The following NIBAN2 variants were observed in gnomAD, a reference collection of about 807,000 sequenced individuals.
The protein encoded by NIBAN2 is niban apoptosis regulator 2.
NIBAN2 carries 36 observed loss-of-function variants against 81.8 expected under a neutral mutation model. That is an observed-to-expected ratio of 0.44 (90% CI 0.34 to 0.58). The LOEUF is 0.58. Ranked by LOEUF, NIBAN2 falls within the 20% of genes least tolerant of loss-of-function variation. The pLI is 0.02. For synonymous variants in NIBAN2, 445 were observed against 441.6 expected (o/e 1.01, Z -0.10); for missense variants, 897 against 1,014.1 (o/e 0.88, Z 1.57).
chr9:127,515,118 C>A (rs931232133), intron 8 of NIBAN2, among the ~76,000 whole-genome samples: 30 of 152,070 alleles, frequency 2.0e-4, no homozygotes, highest in African/African-American at 7.0e-4. Flanking sequence ...CCCAGTTACG[C>A]AGGAGGCTGA....
At chr9:127,524,925 A>C (rs1341031763) in intron 4 of NIBAN2, 133 bp downstream of exon 4, 2 of 650,208 alleles carry the variant, frequency 3.1e-6, no homozygotes, top group Non-Finnish European at 5.4e-6. Flanking sequence ...TGAGGTCTCC[A>C]TCCACAGCTC....
chr9:127,539,832 A>T (rs1837345243), intron 1 of NIBAN2, among the ~76,000 whole-genome samples: 1 of 152,160 alleles, frequency 6.6e-6, no homozygotes, highest in South Asian at 2.1e-4. Flanking sequence ...CCATTTCTAC[A>T]TGGACACACA....
intron 1 of NIBAN2, among the ~76,000 whole-genome samples, chr9:127,566,263 C>T (rs548330653): frequency 1.3e-5 from 2 of 152,158 alleles, no homozygotes; most frequent in Admixed American, 6.5e-5. Context: ...CTTCAGCCAT[C>T]GAGTGGCCCA....
intron 1 of NIBAN2, among the ~76,000 whole-genome samples, chr9:127,553,429 T>G (rs1230086516): frequency 6.6e-6 from 1 of 152,218 alleles, no homozygotes; most frequent in Non-Finnish European, 1.5e-5. Context: ...GGCTGGGGAC[T>G]GAACCCCGAG....
intron 5 of NIBAN2, among the ~76,000 whole-genome samples, chr9:127,523,168 TTA>T (rs1491526742): frequency 0.01 from 194 of 18,992 alleles, 11 homozygotes; most frequent in Non-Finnish European, 0.014. Flanking sequence ...GTTGGTGGTT[TTA>T]AAAAAAAAAA....
rs1339329688 is a variant in NIBAN2, at chr9:127,558,083, A to C, written c.55+10737T>G. Among the ~76,000 whole-genome samples the C allele has an allele frequency of 3.3e-5, 5 of 152,182 alleles. No homozygotes were observed. The East Asian group carries it at 9.7e-4, about 30-fold the overall frequency. On this transcript the variant is annotated intron_variant, in intron 1 of 13. Coordinates refer to ENST00000373312, the MANE Select transcript of NIBAN2 (RefSeq NM_022833.4). ...CTCTTTTCCTGGCAGCCTGAAATAT[A>C]GGAGTGGGGGTGGGAGGGGAGTGTG...
chr9:127,525,191 G>A, intron 3 of NIBAN2, 28 bp from the exon 4 acceptor site: 5 of 1,580,172 alleles, frequency 3.2e-6, no homozygotes, highest in Non-Finnish European at 4.3e-6. Flanking sequence ...GAGGGTCCCT[G>A]AGGGTTAAGG....
Position 127,516,998 on chromosome 9 carries a change from T to C in NIBAN2, c.832A>G (p.Met278Val). The C allele has an allele frequency of 1.9e-6, 3 of 1,613,832 alleles. No homozygotes were observed. The highest frequency in any genetic ancestry group is 2.5e-6 in the Non-Finnish European group (3 of 1,179,900). ...WIQISDAVYHMVYEQAKARFE... is the reference protein window; with the variant it reads ...WIQISDAVYHVVYEQAKARFE... ...CGCGCCTTGGCCTGCTCGTACACCA[T>C]GTGGTACACGGCGTCCGAGATCTGT... The change falls in exon 8 of 14, where the codon ATG (methionine) becomes GTG (valine). Residue 278 changes from methionine (M) to valine (V), a missense_variant. By Grantham distance (21) the Met-to-Val change is conservative. Around this residue, in one of 3 missense-constraint regions of NIBAN2, gnomAD observed 619 missense variants for 691.0 expected, o/e 0.90. Transcript: ENST00000373312.
intron 1 of NIBAN2, among the ~76,000 whole-genome samples, chr9:127,577,827 C>T (rs948592402): frequency 2.0e-5 from 3 of 152,072 alleles, no homozygotes; most frequent in South Asian, 2.1e-4. Context: ...ACAATCCTCC[C>T]GACCCAGCCT....
At chr9:127,521,354 C>T (rs191459640) in intron 5 of NIBAN2, among the ~76,000 whole-genome samples, 3 of 152,278 alleles carry the variant, frequency 2.0e-5, no homozygotes, top group Admixed American at 1.3e-4. Context: ...CTGCATTCCT[C>T]ACTCCCAGGC....
At position 127,507,262 on chromosome 9, in the gene NIBAN2, C is replaced by A. The variant is rs369677680; in HGVS notation, c.1824G>T (p.Glu608Asp). The A allele has an allele frequency of 1.2e-6, 2 of 1,605,814 alleles. No homozygotes were observed. The highest frequency in any genetic ancestry group is 8.5e-7 in the Non-Finnish European group (1 of 1,174,644). Residue 608 changes from glutamate to aspartate, a missense_variant, in exon 14 of 14, where the codon GAG becomes GAT. Physicochemically the swap from Glu to Asp is conservative, Grantham distance 45. Around this residue, in one of 3 missense-constraint regions of NIBAN2, gnomAD observed 619 missense variants for 691.0 expected, o/e 0.90. Coordinates refer to ENST00000373312, the MANE Select transcript of NIBAN2 (RefSeq NM_022833.4). This position sits in a 1 kb window ranked among gnomAD's most constrained non-coding sequence, Gnocchi z 6.8. ...GTCGCTTTTCCGAGAGGGTGGCTGA[C>A]TCCGGGGTGCTGGGGCTGGGGCTGC... is the stretch of plus-strand genomic sequence containing the variant. Reference protein sequence around the residue: ...GGGSPSPSTPESATLSEKRRR... With the variant: ...GGGSPSPSTPDSATLSEKRRR...
chr9:127,562,932 G>A (rs1299389225), intron 1 of NIBAN2, among the ~76,000 whole-genome samples: 1 of 152,188 alleles, frequency 6.6e-6, no homozygotes, highest in Non-Finnish European at 1.5e-5. Flanking sequence ...AGTGAAAGAA[G>A]CAAGACACAA....
At position 127,508,665 on chromosome 9, in the gene NIBAN2, G is replaced by T; in HGVS notation, c.1318-127C>A. On this transcript the variant is annotated intron_variant, in intron 10 of 13. Transcript: ENST00000373312. This position sits in a 1 kb window ranked among gnomAD's most constrained non-coding sequence, Gnocchi z 6.4. Reference sequence around the variant, plus strand: ...GGCCTGCCAGGGAGGAATGGCAAGCGGTCTATGCCCACTCACAGCTCTGCA... The same window carrying T: ...GGCCTGCCAGGGAGGAATGGCAAGCTGTCTATGCCCACTCACAGCTCTGCA... 1 of 825,964 alleles carries T rather than the reference G, an allele frequency of 1.2e-6. No individual in the cohort carries two copies. The allele number at this position is 825,964 out of a possible 1,614,324, so 51.2% of individuals were successfully genotyped here. A position where few individuals can be genotyped will look rare whatever the true frequency, so the allele number is the denominator to read the frequency against.
chr9:127,554,953 C>A (rs1364963991), intron 1 of NIBAN2, among the ~76,000 whole-genome samples: 6 of 152,026 alleles, frequency 3.9e-5, no homozygotes, highest in African/African-American at 1.5e-4. Flanking sequence ...AAACAAAAAA[C>A]AAAAATCAGG....
chr9:127,510,857 T>G (rs1334746720), intron 8 of NIBAN2, among the ~76,000 whole-genome samples: 1 of 152,142 alleles, frequency 6.6e-6, no homozygotes, highest in African/African-American at 2.4e-5. Flanking sequence ...TTCAGCCTCC[T>G]AATATTATTA....
At chr9:127,570,098 T>C (rs1481324538), upstream of NIBAN2, among the ~76,000 whole-genome samples, 1 of 152,184 alleles carries the variant, frequency 6.6e-6, no homozygotes, top group African/African-American at 2.4e-5. Context: ...GGCCATCCAC[T>C]TTCTGCTTGT....
intron 9 of NIBAN2, among the ~76,000 whole-genome samples, chr9:127,509,367 C>T (rs1272548563): frequency 6.6e-6 from 1 of 152,114 alleles, no homozygotes; most frequent in Non-Finnish European, 1.5e-5. Flanking sequence ...GGAGAGGCAG[C>T]CTCGGTGCCG....
rs1258542142 is a variant in NIBAN2 at position 127,508,032 on chromosome 9, C to G, written c.1543-54G>C. On this transcript the variant is annotated intron_variant, in intron 12 of 13. Coordinates refer to ENST00000373312, the MANE Select transcript of NIBAN2 (RefSeq NM_022833.4). The surrounding 1 kb of genome is among the most constrained non-coding windows in gnomAD (Gnocchi z 6.4). Reference sequence around the variant, plus strand: ...GGTCAGGGCCAAGGGTAGAGGGAGGCCTGTGGGCTCCATCCCCCAACTTAG... The same window carrying G: ...GGTCAGGGCCAAGGGTAGAGGGAGGGCTGTGGGCTCCATCCCCCAACTTAG... 2 of 1,610,650 alleles carry G rather than the reference C, an allele frequency of 1.2e-6. No homozygotes were observed. The highest frequency in any genetic ancestry group is 2.2e-5 in the South Asian group (2 of 91,018).
chr9:127,507,559 C>T lies in NIBAN2; in HGVS notation c.1655-128G>A, dbSNP rs1836634693. 1 of 856,060 alleles carries T rather than the reference C, an allele frequency of 1.2e-6. No homozygotes were observed. The highest frequency in any genetic ancestry group is 1.8e-6 in the Non-Finnish European group (1 of 564,820). 53.0% of individuals were successfully genotyped at this position (856,060 alleles called of 1,614,324 possible). ...TCTGTGGTTGGGATGTGACTCATTC[C>T]AGGCCTCGTTGCTGAAAGCAGCAAG... On this transcript the variant is annotated intron_variant, in intron 13 of 13. Coordinates refer to ENST00000373312, the MANE Select transcript of NIBAN2 (RefSeq NM_022833.4). This position sits in a 1 kb window ranked among gnomAD's most constrained non-coding sequence, Gnocchi z 6.8.
Sources: allele counts gnomAD v4.1 joint callset (sites outside exome capture counted in the v4.1 genomes callset), GRCh38; gene constraint gnomAD v4.1.1; regional missense constraint gnomAD v4.1.1; non-coding constraint Gnocchi (gnomAD v3.1); transcripts MANE v1.5; gene names NCBI Gene and HGNC (gene_info 2026-07-23, HGNC 2026-07-21).